Variants in RBFOX1 observed in about 807,000 individuals in gnomAD.
The protein encoded by RBFOX1 is RNA binding protein fox-1 homolog 1.
In RBFOX1, 8 loss-of-function variants were observed where a neutral mutation model predicts 57.7. The observed-to-expected ratio is 0.14, with a 90% CI of 0.08 to 0.25. RBFOX1 has a LOEUF of 0.25. Ranked by LOEUF, RBFOX1 falls within the 10% of genes least tolerant of loss-of-function variation. The pLI, the probability that RBFOX1 is intolerant of heterozygous loss-of-function variation, is 1.00. For synonymous variants in RBFOX1, 326 were observed against 222.4 expected (o/e 1.47, Z -4.15); for missense variants, 611 against 548.5 (o/e 1.11, Z -1.14).
intron 4 of RBFOX1, among the ~76,000 whole-genome samples, chr16:6,011,734 G>A (rs1294321888): frequency 6.6e-6 from 1 of 152,212 alleles, no homozygotes; most frequent in East Asian, 1.9e-4. Context: ...CCATCAGTGA[G>A]TGAGCAAAGC....
At chr16:7,394,235 CAAAAAAAAAAAAAA>C (rs59934126) in intron 4 of RBFOX1, among the ~76,000 whole-genome samples, 19 of 55,038 alleles carry the variant, frequency 3.5e-4, no homozygotes, top group South Asian at 9.1e-4. Context: ...GACTCCGCAT[CAAAAAAAAAAAAAA>C]AAAAAAAAAA....
At position 6,597,399 on chromosome 16, in the gene RBFOX1, C is replaced by T. The variant is rs144109809; in HGVS notation, c.-63-57204C>T. ...CTTTAAAACCAGGGACCCAACCAGG[C>T]GCGGTGGCTCACACCAGTAATCCCA... On this transcript the variant is annotated intron_variant, in intron 2 of 15. Coordinates refer to ENST00000550418, the MANE Select transcript of RBFOX1 (RefSeq NM_018723.4). 3.2e-3 allele frequency among the ~76,000 whole-genome samples: 493 copies of T among 152,138 alleles called. 2 individuals are homozygous for T. The highest frequency in any genetic ancestry group is 6.8e-3 in the Middle Eastern group (2 of 294).
chr16:6,038,591 C>T (rs1435529187), intron 1 of RBFOX1: 1 of 128,242 alleles, frequency 7.8e-6, no homozygotes, highest in Non-Finnish European at 1.7e-5. Flanking sequence ...TATATAAAAT[C>T]CATATATATA....
intron 3 of RBFOX1, among the ~76,000 whole-genome samples, chr16:6,667,836 C>G (rs1468373937): frequency 6.6e-6 from 1 of 151,868 alleles, no homozygotes; most frequent in South Asian, 2.1e-4. Context: ...CTGCAGTGAC[C>G]TATAGTCGTA....
intron 1 of RBFOX1, among the ~76,000 whole-genome samples, chr16:6,222,393 C>T (rs1181220887): frequency 2.0e-5 from 3 of 151,948 alleles, no homozygotes; most frequent in Non-Finnish European, 4.4e-5. Context: ...AAGGGTTAGA[C>T]AAGAGTGATG....
At chr16:5,684,730 C>T (rs566738559) in intron 3 of RBFOX1, among the ~76,000 whole-genome samples, 2 of 152,184 alleles carry the variant, frequency 1.3e-5, no homozygotes, top group Non-Finnish European at 2.9e-5. Context: ...AAATACATCA[C>T]CGCCTACTGT....
Position 6,562,871 on chromosome 16 carries a change from TCTTTC to T in RBFOX1, c.-63-91731_-63-91727del, listed in dbSNP as rs1567693860. Among the ~76,000 whole-genome samples the T allele has an allele frequency of 8.4e-4, 56 of 66,774 alleles. 1 individual carries two copies. The highest frequency in any genetic ancestry group is 3.0e-3 in the African/African-American group (34 of 11,320). The allele number at this position is 66,774 out of a possible 152,430, so 43.8% of individuals were successfully genotyped here. On this transcript the variant is annotated intron_variant, in intron 2 of 15. Coordinates refer to ENST00000550418, the MANE Select transcript of RBFOX1 (RefSeq NM_018723.4). ...TTCTTTCTTTCTTTCTTTCTTTCTT[TCTTTC>T]TTTCTTTTTTTTTTTTTTTTTTGCA...
chr16:7,474,494 C>T (rs2062216764), intron 4 of RBFOX1, among the ~76,000 whole-genome samples: 1 of 152,188 alleles, frequency 6.6e-6, no homozygotes, highest in Non-Finnish European at 1.5e-5. Context: ...GCAGTGACCC[C>T]AGTGACCTGG....
At chr16:5,735,597 G>A (rs1011873729) in intron 3 of RBFOX1, among the ~76,000 whole-genome samples, 2 of 152,148 alleles carry the variant, frequency 1.3e-5, no homozygotes, top group Admixed American at 6.5e-5. Context: ...AGTTGTCCAT[G>A]TAATAAGTAC....
chr16:6,975,171 G>T (rs574093681), intron 3 of RBFOX1, among the ~76,000 whole-genome samples: 1 of 152,258 alleles, frequency 6.6e-6, no homozygotes, highest in Non-Finnish European at 1.5e-5. Context: ...GGGTTCCTGT[G>T]ATGGTACTGA....
chr16:7,685,031 A>T (rs2058186), intron 14 of RBFOX1, among the ~76,000 whole-genome samples: 14 of 151,974 alleles, frequency 9.2e-5, no homozygotes, highest in Admixed American at 5.9e-4. Flanking sequence ...TGTAAAGTGT[A>T]GTTTCCAGAC....
intron 1 of RBFOX1, among the ~76,000 whole-genome samples, chr16:5,298,581 C>T (rs1224659532): frequency 5.0e-4 from 7 of 13,992 alleles, no homozygotes; most frequent in African/African-American, 3.1e-3. Context: ...CTTTCCCCTC[C>T]CTTCCCCTCC....
chr16:7,557,619 C>CA (rs1170051114), intron 5 of RBFOX1, among the ~76,000 whole-genome samples: 13,767 of 40,764 alleles, frequency 0.34, 3,045 homozygotes, highest in African/African-American at 0.47. Context: ...GACTCTGTCT[C>CA]AAAAAAAAAA....
chr16:5,856,604 T>TATGTATATATATATAA (rs776623035), intron 3 of RBFOX1, among the ~76,000 whole-genome samples: 1 of 68,110 alleles, frequency 1.5e-5, no homozygotes, highest in East Asian at 5.4e-4. Flanking sequence ...TATATATATA[T>TATGTATATATATATAA]AATCTTAGCC....
chr16:7,343,117 C>T (rs1329512588), intron 4 of RBFOX1, among the ~76,000 whole-genome samples: 1 of 152,202 alleles, frequency 6.6e-6, no homozygotes, highest in South Asian at 2.1e-4. Flanking sequence ...ACCACCCACA[C>T]CCCTGTTCCA....
chr16:6,234,898 T>C (rs923233341), intron 1 of RBFOX1, among the ~76,000 whole-genome samples: 2 of 152,166 alleles, frequency 1.3e-5, no homozygotes, highest in Admixed American at 6.5e-5. Flanking sequence ...TTTCCTTGTT[T>C]GGATATTTGG....
intron 3 of RBFOX1, among the ~76,000 whole-genome samples, chr16:5,622,479 A>T (rs887522094): frequency 2.6e-5 from 4 of 152,162 alleles, no homozygotes; most frequent in Non-Finnish European, 5.9e-5. Flanking sequence ...TGAATTACAG[A>T]GTTAGGTCAT....
intron 1 of RBFOX1, among the ~76,000 whole-genome samples, chr16:6,313,980 C>T (rs1341042755): frequency 6.6e-6 from 1 of 152,060 alleles, no homozygotes. Flanking sequence ...CCCTAAATGA[C>T]TTTACAGGTT....
At chr16:6,047,847 A>C (rs1002342915) in intron 1 of RBFOX1, among the ~76,000 whole-genome samples, 1 of 152,184 alleles carries the variant, frequency 6.6e-6, no homozygotes, top group African/African-American at 2.4e-5. Context: ...TATTTTATGC[A>C]TGAAAAAAAT....
Sources: gnomAD v4.1 joint callset for allele counts (sites outside exome capture counted in the v4.1 genomes callset) on GRCh38, gnomAD v4.1.1 for gene constraint, MANE v1.5 for transcripts, NCBI Gene and HGNC (gene_info 2026-07-23, HGNC 2026-07-21) for gene names.